SNTG1: variants seen among roughly 807,000 people sequenced by gnomAD.
The protein encoded by SNTG1 is syntrophin gamma 1, also known as gamma-1-syntrophin.
In SNTG1, 39 loss-of-function variants were observed where a neutral mutation model predicts 74.7. The observed-to-expected ratio is 0.52, with a 90% CI of 0.40 to 0.68. The LOEUF is 0.68. Among genes scored for constraint, SNTG1 ranks in the 30% least tolerant of loss-of-function variants. The pLI is 0.00. For missense variants in SNTG1, 685 were observed against 609.5 expected (o/e 1.12, Z -1.30); for synonymous variants, 254 against 217.1 (o/e 1.17, Z -1.49).
At position 50,579,962 on chromosome 8, in the gene SNTG1, T is replaced by C. The variant is rs1043991170; in HGVS notation, c.811-10917T>C. ...TCTCCACACCCCATAATGGTAGAAC[T>C]ACTGACGGCTTGCACCGTGTGCTGG... On this transcript the variant is annotated intron_variant, in intron 12 of 18. Transcript: ENST00000642720. 2.0e-5 allele frequency among the ~76,000 whole-genome samples: 3 copies of C among 152,170 alleles called. No individual in the cohort carries two copies. In the East Asian group the frequency reaches 5.8e-4, roughly 29 times the overall value.
intron 2 of SNTG1, among the ~76,000 whole-genome samples, chr8:50,178,090 G>A (rs1319717382): frequency 6.6e-6 from 1 of 152,162 alleles, no homozygotes; most frequent in Non-Finnish European, 1.5e-5. Flanking sequence ...GGTATACTCC[G>A]ATTTATTTAT....
Position 50,734,744 on chromosome 8 carries a change from T to TATATATA in SNTG1, c.1285-17257_1285-17256insATATATA, listed in dbSNP as rs1491414315. Among the ~76,000 whole-genome samples the TATATATA allele has an allele frequency of 3.0e-4, 25 of 83,814 alleles. 2 individuals carry two copies. The highest frequency in any genetic ancestry group is 3.5e-4 in the Non-Finnish European group (16 of 45,942). The allele number at this position is 83,814 out of a possible 152,430, so 55.0% of individuals were successfully genotyped here. A position where few individuals can be genotyped will look rare whatever the true frequency, so the allele number is the denominator to read the frequency against. On this transcript the variant is annotated intron_variant, in intron 17 of 18. Transcript: ENST00000642720. ...CATTATATATCTATATATATGGACA[T>TATATATA]GTATATAGATATCTATATATATGGA... is the stretch of plus-strand genomic sequence containing the variant.
chr8:50,461,235 G>T (rs2131681748), intron 8 of SNTG1, among the ~76,000 whole-genome samples: 1 of 149,990 alleles, frequency 6.7e-6, no homozygotes, highest in East Asian at 2.0e-4. Context: ...GTTTTCCAGA[G>T]GAAGACCACG....
chr8:49,910,247 C>CT (rs1245740308), upstream of SNTG1, among the ~76,000 whole-genome samples: 1 of 152,184 alleles, frequency 6.6e-6, no homozygotes, highest in Non-Finnish European at 1.5e-5. Flanking sequence ...CGTCCGGCCC[C>CT]TTCCCACAGC....
At chr8:50,691,242 A>T (rs2095377556) in intron 15 of SNTG1, among the ~76,000 whole-genome samples, 2 of 152,128 alleles carry the variant, frequency 1.3e-5, no homozygotes, top group South Asian at 4.1e-4. Context: ...CATTTAGCCC[A>T]TTTACATTTA....
At chr8:50,339,542 A>G (rs1385299141) in intron 2 of SNTG1, among the ~76,000 whole-genome samples, 1 of 152,022 alleles carries the variant, frequency 6.6e-6, no homozygotes, top group Non-Finnish European at 1.5e-5. Context: ...TATAAACCAC[A>G]TGCATTATCC....
intron 2 of SNTG1, among the ~76,000 whole-genome samples, chr8:50,329,045 C>T (rs1180611267): frequency 2.6e-5 from 4 of 152,160 alleles, no homozygotes; most frequent in Admixed American, 2.6e-4. Context: ...TGAAATCCAG[C>T]AGAGCAGTCA....
At chr8:50,438,877 TGTC>T (rs1168207011) in intron 5 of SNTG1, among the ~76,000 whole-genome samples, 1 of 152,160 alleles carries the variant, frequency 6.6e-6, no homozygotes, top group South Asian at 2.1e-4. Context: ...TTAAATATGA[TGTC>T]GTGTGCATAT....
At chr8:50,590,752 AT>A in intron 12 of SNTG1, 126 bp from the exon 13 acceptor site, 1 of 543,218 alleles carries the variant, frequency 1.8e-6, no homozygotes, top group Non-Finnish European at 3.2e-6. Flanking sequence ...ATATGTGATG[AT>A]TTCAGCATAT....
intron 2 of SNTG1, among the ~76,000 whole-genome samples, chr8:50,199,942 G>A (rs1030265729): frequency 1.3e-5 from 2 of 152,150 alleles, no homozygotes; most frequent in Admixed American, 6.5e-5. Context: ...AAGCATTTGG[G>A]CGCTAATAGG....
intron 1 of SNTG1, among the ~76,000 whole-genome samples, chr8:50,154,136 G>A (rs776210481): frequency 1.7e-4 from 26 of 152,190 alleles, no homozygotes; most frequent in Non-Finnish European, 3.1e-4. Context: ...CTGCTGCCTT[G>A]CACTTTGATG....
upstream of SNTG1, among the ~76,000 whole-genome samples, chr8:49,910,605 C>T (rs570348251): frequency 6.6e-6 from 1 of 152,156 alleles, no homozygotes; most frequent in Non-Finnish European, 1.5e-5. Context: ...TGACAGCACT[C>T]GGGACCACGC....
chr8:50,090,435 G>GT (rs756438964), intron 1 of SNTG1, among the ~76,000 whole-genome samples: 1 of 152,128 alleles, frequency 6.6e-6, no homozygotes, highest in Non-Finnish European at 1.5e-5. Context: ...CTTCATGGTG[G>GT]TAAGATAGCT....
At chr8:50,767,613 T>C (rs2095617027) in intron 18 of SNTG1, among the ~76,000 whole-genome samples, 1 of 151,914 alleles carries the variant, frequency 6.6e-6, no homozygotes. Flanking sequence ...ATAGTTTTTT[T>C]TGACAAGTTA....
intron 1 of SNTG1, among the ~76,000 whole-genome samples, chr8:50,169,006 T>C (rs2082720280): frequency 6.6e-6 from 1 of 152,222 alleles, no homozygotes; most frequent in Non-Finnish European, 1.5e-5. Flanking sequence ...CCATCACAAC[T>C]AAGATATTTA....
At chr8:50,492,283 T>C (rs570529261) in intron 8 of SNTG1, among the ~76,000 whole-genome samples, 18 of 152,328 alleles carry the variant, frequency 1.2e-4, no homozygotes, top group African/African-American at 3.8e-4. Flanking sequence ...ATGGTATTTC[T>C]AGTTCTAGAT....
intron 12 of SNTG1, among the ~76,000 whole-genome samples, chr8:50,561,817 G>A (rs2094490010): frequency 6.6e-6 from 1 of 152,072 alleles, no homozygotes; most frequent in Non-Finnish European, 1.5e-5. Context: ...ATACACAAGC[G>A]ACATTTCCCA....
chr8:50,363,463 AAT>A (rs1563944269), intron 2 of SNTG1, among the ~76,000 whole-genome samples: 1 of 152,066 alleles, frequency 6.6e-6, no homozygotes, highest in African/African-American at 2.4e-5. Context: ...TTGCCTTTAC[AAT>A]TGGACTTTGT....
chr8:49,935,392 CTTTT>C (rs35517917), intron 1 of SNTG1, among the ~76,000 whole-genome samples: 1 of 132,178 alleles, frequency 7.6e-6, no homozygotes, highest in African/African-American at 2.8e-5. Flanking sequence ...CCATTAATTC[CTTTT>C]TTTTTTTTTT....
Sources: allele counts gnomAD v4.1 joint callset (sites outside exome capture counted in the v4.1 genomes callset), GRCh38; gene constraint gnomAD v4.1.1; transcripts MANE v1.5; gene names NCBI Gene and HGNC (gene_info 2026-07-23, HGNC 2026-07-21).